The following RYR2 variants were observed in gnomAD, a reference collection of about 807,000 sequenced individuals.
RYR2 encodes cardiac muscle ryanodine receptor-calcium release channel.
In RYR2, 227 loss-of-function variants were observed where a neutral mutation model predicts 601.1. The observed-to-expected ratio is 0.38, with a 90% CI of 0.34 to 0.42. The LOEUF (loss-of-function observed/expected upper bound fraction) is 0.42, where lower values mean the gene tolerates loss of function less well. RYR2 is among the 10% of genes least tolerant of loss of function. The pLI, the probability that RYR2 is intolerant of heterozygous loss-of-function variation, is 1.00. For missense variants in RYR2, 4,646 were observed against 6,156.5 expected (o/e 0.75, Z 8.21); for synonymous variants, 2,223 against 2,175.1 (o/e 1.02, Z -0.61).
chr1:237,436,977 A>G (rs1707450206), intron 12 of RYR2, among the ~76,000 whole-genome samples: 1 of 151,582 alleles, frequency 6.6e-6, no homozygotes. Context: ...CCCAATGCCA[A>G]ATATTACTTA....
intron 1 of RYR2, among the ~76,000 whole-genome samples, chr1:237,153,370 T>C (rs578080754): frequency 6.6e-6 from 1 of 152,250 alleles, no homozygotes; most frequent in East Asian, 1.9e-4. Flanking sequence ...GAAGACAGGG[T>C]CTTCCCTAGA....
intron 61 of RYR2, among the ~76,000 whole-genome samples, chr1:237,679,399 A>G (rs1207631505): frequency 6.6e-6 from 1 of 152,210 alleles, no homozygotes; most frequent in African/African-American, 2.4e-5. Context: ...AGGAAGAGCA[A>G]TAAAAACTGG....
At chr1:237,306,077 T>C (rs1693834934) in intron 2 of RYR2, among the ~76,000 whole-genome samples, 1 of 152,184 alleles carries the variant, frequency 6.6e-6, no homozygotes, top group Non-Finnish European at 1.5e-5. Flanking sequence ...GCTTCATTAA[T>C]AAGCAGAAGA....
intron 56 of RYR2, among the ~76,000 whole-genome samples, chr1:237,665,397 C>CAAAAAA (rs71162408): frequency 1.0e-5 from 1 of 95,606 alleles, no homozygotes; most frequent in Non-Finnish European, 2.0e-5. Context: ...GACTCTGTCT[C>CAAAAAA]AAAAAAAAAA....
chr1:237,448,436 A>C (rs1657657256), intron 14 of RYR2, among the ~76,000 whole-genome samples: 1 of 152,196 alleles, frequency 6.6e-6, no homozygotes, highest in South Asian at 2.1e-4. Flanking sequence ...TTATTTTGGT[A>C]AATGTTTCAT....
At chr1:237,601,437 G>A (rs1303205719) in intron 34 of RYR2, among the ~76,000 whole-genome samples, 2 of 152,122 alleles carry the variant, frequency 1.3e-5, no homozygotes, top group African/African-American at 4.8e-5. Context: ...GGAAGGGTAG[G>A]TGAAAGTGGG....
intron 14 of RYR2, among the ~76,000 whole-genome samples, chr1:237,447,952 C>T (rs775677832): frequency 6.7e-6 from 1 of 150,238 alleles, no homozygotes; most frequent in African/African-American, 2.5e-5. Context: ...TTCTGCTCTT[C>T]ACTCTCATTC....
intron 60 of RYR2, among the ~76,000 whole-genome samples, chr1:237,676,335 A>T (rs1685392234): frequency 6.6e-6 from 1 of 152,172 alleles, no homozygotes; most frequent in South Asian, 2.1e-4. Flanking sequence ...TTCTGAATAA[A>T]CTACCTACTA....
intron 4 of RYR2, among the ~76,000 whole-genome samples, chr1:237,362,431 A>C (rs1699854853): frequency 6.6e-6 from 1 of 152,104 alleles, no homozygotes; most frequent in African/African-American, 2.4e-5. Context: ...GACATTCTCC[A>C]CACCCAAAGA....
intron 1 of RYR2, among the ~76,000 whole-genome samples, chr1:237,115,302 G>A (rs1358321858): frequency 3.9e-5 from 6 of 152,122 alleles, no homozygotes; most frequent in Admixed American, 3.9e-4. Context: ...CCTTCCCAGA[G>A]ACCATCCATT....
intron 85 of RYR2, 76 bp downstream of exon 85, chr1:237,770,963 T>A (rs1694224750): frequency 1.2e-6 from 1 of 802,350 alleles, no homozygotes; most frequent in African/African-American, 1.7e-5. Flanking sequence ...CAAGAGCCTG[T>A]TAGTTCCAAT....
intron 9 of RYR2, 70 bp downstream of exon 9, chr1:237,387,450 T>C (rs1702033740): frequency 2.2e-6 from 3 of 1,360,856 alleles, no homozygotes; most frequent in East Asian, 2.3e-5. Flanking sequence ...GGAATTGTGA[T>C]AATGAGCTGA....
At chr1:237,738,970 A>G (rs2149198089) in intron 79 of RYR2, among the ~76,000 whole-genome samples, 1 of 152,302 alleles carries the variant, frequency 6.6e-6, no homozygotes, top group Non-Finnish European at 1.5e-5. Context: ...CCCCTCCAAT[A>G]TTTGATATAT....
chr1:237,607,629 T>C (rs1343310532), intron 35 of RYR2, among the ~76,000 whole-genome samples: 2 of 152,194 alleles, frequency 1.3e-5, no homozygotes, highest in Non-Finnish European at 2.9e-5. Context: ...TGTAGATGAA[T>C]GGAATTCAGG....
Position 237,580,155 on chromosome 1 carries a change from C to CTTTTTTTTT in RYR2, c.3599-9629_3599-9621dup, listed in dbSNP as rs58145628. Among the ~76,000 whole-genome samples, 1,162 of 116,510 alleles carry CTTTTTTTTT rather than the reference C, an allele frequency of 1.0e-2. 38 individuals carry two copies. The highest frequency in any genetic ancestry group is 0.014 in the Non-Finnish European group (833 of 59,264). 76.4% of individuals were successfully genotyped at this position (116,510 alleles called of 152,430 possible). ...AGAGCCACGTGAAATCACAACAATT[C>CTTTTTTTTT]TTTTTTTTTTTTTTTTTGAGACGGA... On this transcript the variant is annotated intron_variant, in intron 29 of 104. Coordinates refer to ENST00000366574, the MANE Select transcript of RYR2 (RefSeq NM_001035.3).
intron 5 of RYR2, among the ~76,000 whole-genome samples, chr1:237,369,096 T>A (rs1269420443): frequency 6.6e-6 from 1 of 152,094 alleles, no homozygotes; most frequent in African/African-American, 2.4e-5. Flanking sequence ...GTGCTGGGAT[T>A]ACAGGCATGA....
At chr1:237,546,831 T>C (rs1669856793) in intron 25 of RYR2, among the ~76,000 whole-genome samples, 1 of 151,730 alleles carries the variant, frequency 6.6e-6, no homozygotes, top group South Asian at 2.1e-4. Flanking sequence ...CTACCATGTA[T>C]TGGTCACTAT....
intron 2 of RYR2, among the ~76,000 whole-genome samples, chr1:237,322,400 G>A (rs773504778): frequency 6.6e-6 from 1 of 152,090 alleles, no homozygotes; most frequent in Non-Finnish European, 1.5e-5. Flanking sequence ...GTGTTTGTGT[G>A]AATTATTTTT....
chr1:237,803,493 G>A (rs1660233363), intron 98 of RYR2, among the ~76,000 whole-genome samples: 1 of 151,876 alleles, frequency 6.6e-6, no homozygotes, highest in Non-Finnish European at 1.5e-5. Context: ...GTAGAGACGG[G>A]GTTTCACCAT....
Sources: allele counts gnomAD v4.1 joint callset (sites outside exome capture counted in the v4.1 genomes callset), GRCh38; gene constraint gnomAD v4.1.1; transcripts MANE v1.5; gene names NCBI Gene and HGNC (gene_info 2026-07-23, HGNC 2026-07-21).